EPHA6: variants seen among roughly 807,000 people sequenced by gnomAD.
EPHA6 encodes the protein EPH receptor A6.
In EPHA6, 50 loss-of-function variants were observed where a neutral mutation model predicts 112.0. The ratio of observed to expected loss-of-function variants is 0.45; its 90% CI spans 0.36 to 0.56. The LOEUF is 0.56. Among genes scored for constraint, EPHA6 ranks in the 20% least tolerant of loss-of-function variants. EPHA6 has a pLI of 0.00. For synonymous variants in EPHA6, 529 were observed against 490.7 expected, an observed-to-expected ratio of 1.08 and a Z score of -1.03; for missense variants, 1,280 against 1,417.4, an observed-to-expected ratio of 0.90 and a Z score of 1.56.
intron 3 of EPHA6, among the ~76,000 whole-genome samples, chr3:97,031,346 G>A (rs1467058258): frequency 6.6e-6 from 1 of 152,106 alleles, no homozygotes. Context: ...AAAAACCCTA[G>A]AAGAAAACCT....
At chr3:97,463,349 T>C (rs1471360246) in intron 7 of EPHA6, among the ~76,000 whole-genome samples, 1 of 152,174 alleles carries the variant, frequency 6.6e-6, no homozygotes, top group African/African-American at 2.4e-5. Flanking sequence ...GGAATAGTGA[T>C]TTTTTATCTG....
At chr3:97,512,265 T>A (rs967198517) in intron 10 of EPHA6, among the ~76,000 whole-genome samples, 1 of 152,114 alleles carries the variant, frequency 6.6e-6, no homozygotes, top group African/African-American at 2.4e-5. Flanking sequence ...GAGGTATTAG[T>A]AATTATCTAT....
chr3:96,827,169 G>A (rs547673247), intron 1 of EPHA6, among the ~76,000 whole-genome samples: 1 of 152,206 alleles, frequency 6.6e-6, no homozygotes, highest in African/African-American at 2.4e-5. Flanking sequence ...TGTGTGCACT[G>A]ATCCTAAAGC....
At chr3:97,727,949 G>A (rs1056484178) in intron 15 of EPHA6, among the ~76,000 whole-genome samples, 2 of 151,964 alleles carry the variant, frequency 1.3e-5, no homozygotes, top group Non-Finnish European at 2.9e-5. Context: ...ACTTTTAAGG[G>A]AAAATTTTTT....
intron 5 of EPHA6, among the ~76,000 whole-genome samples, chr3:97,358,112 C>T (rs2084178384): frequency 6.6e-6 from 1 of 152,170 alleles, no homozygotes; most frequent in Admixed American, 6.5e-5. Context: ...GTACCTCTGT[C>T]ACTTTTCTAT....
intron 3 of EPHA6, among the ~76,000 whole-genome samples, chr3:97,213,252 T>C (rs2108517271): frequency 6.6e-6 from 1 of 152,266 alleles, no homozygotes; most frequent in East Asian, 1.9e-4. Context: ...TGCAACTACA[T>C]TCACTTCCAG....
intron 2 of EPHA6, among the ~76,000 whole-genome samples, chr3:96,876,022 A>G (rs2036923298): frequency 6.6e-6 from 1 of 151,234 alleles, no homozygotes; most frequent in Non-Finnish European, 1.5e-5. Context: ...TAAAATATTT[A>G]TAAACTATTT....
chr3:97,584,989 C>T (rs1226902939), intron 11 of EPHA6, among the ~76,000 whole-genome samples: 3 of 152,160 alleles, frequency 2.0e-5, no homozygotes, highest in African/African-American at 7.2e-5. Flanking sequence ...CAAACCTAGA[C>T]ATTTTTATTA....
At chr3:96,852,474 A>T (rs1473461421) in intron 1 of EPHA6, among the ~76,000 whole-genome samples, 1 of 152,026 alleles carries the variant, frequency 6.6e-6, no homozygotes, top group Admixed American at 6.6e-5. Flanking sequence ...TCTGGACAGG[A>T]TAAGGTCAAA....
chr3:97,544,092 C>T (rs2092909145), intron 11 of EPHA6, among the ~76,000 whole-genome samples: 1 of 152,096 alleles, frequency 6.6e-6, no homozygotes, highest in Admixed American at 6.6e-5. Flanking sequence ...TTTCCTTCTC[C>T]TGCCTGATTG....
chr3:96,992,598 G>A (rs1173601658), intron 3 of EPHA6, among the ~76,000 whole-genome samples: 2 of 151,960 alleles, frequency 1.3e-5, no homozygotes, highest in South Asian at 2.1e-4. Flanking sequence ...TTTATTTCAG[G>A]AAATTATTCT....
At chr3:97,055,884 A>G (rs1201222076) in intron 3 of EPHA6, among the ~76,000 whole-genome samples, 7 of 152,128 alleles carry the variant, frequency 4.6e-5, no homozygotes, top group Admixed American at 1.3e-4. Flanking sequence ...TAGAAACTCA[A>G]TTTTGCATTT....
rs375090191 is a variant in EPHA6, at chr3:97,226,388, T to C, written c.1239T>C (p.Ala413=). The C allele has an allele frequency of 2.2e-5, 35 of 1,613,412 alleles. No individual in the cohort carries two copies. Among genetic ancestry groups the C allele is most frequent in the Non-Finnish European group, 2.8e-5 (33 of 1,179,636 alleles). ...VCQCEKGYFR[A]EKDPPSMACT... ...AGTGTGAAAAGGGTTATTTCCGAGC[T>C]GAAAAAGACCCACCTTCTATGGCAT... is the stretch of plus-strand genomic sequence containing the variant. Residue 413 remains alanine (A), a synonymous_variant, in exon 4 of 18, where the codon GCT becomes GCC. Coordinates refer to ENST00000389672, the MANE Select transcript of EPHA6 (RefSeq NM_001080448.3).
chr3:97,746,990 G>A (rs1242827368), intron 16 of EPHA6, among the ~76,000 whole-genome samples: 1 of 151,908 alleles, frequency 6.6e-6, no homozygotes, highest in East Asian at 1.9e-4. Flanking sequence ...GGATTCAGGG[G>A]TAGGTCAGAC....
intron 2 of EPHA6, among the ~76,000 whole-genome samples, chr3:96,900,659 C>T (rs1559813915): frequency 1.3e-5 from 2 of 152,216 alleles, no homozygotes; most frequent in African/African-American, 4.8e-5. Context: ...TTATTATCTA[C>T]AGAGTGTTAC....
At chr3:97,275,929 T>A (rs1391247532) in intron 5 of EPHA6, among the ~76,000 whole-genome samples, 2 of 152,006 alleles carry the variant, frequency 1.3e-5, no homozygotes, top group African/African-American at 2.4e-5. Flanking sequence ...GGGAAGCAGA[T>A]AATTTAGTTA....
At position 97,648,595 on chromosome 3, in the gene EPHA6, T is replaced by G. The variant is rs1029522300; in HGVS notation, c.2784+10513T>G. Reference sequence around the variant, plus strand: ...ACAAGTGAGATCTGCCTTTAAGTACTTTCATTAACATGAGTAAATGGGATT... The same window carrying G: ...ACAAGTGAGATCTGCCTTTAAGTACGTTCATTAACATGAGTAAATGGGATT... On this transcript the variant is annotated intron_variant, in intron 14 of 17. Transcript: ENST00000389672. The G allele has an allele frequency of 2.6e-6, 3 of 1,161,640 alleles. No homozygotes were observed. The African/African-American group carries it at 4.7e-5, about 18-fold the overall frequency. The allele number at this position is 1,161,640 out of a possible 1,614,324, so 72.0% of individuals were successfully genotyped here. A position where few individuals can be genotyped will look rare whatever the true frequency, so the allele number is the denominator to read the frequency against.
At chr3:97,255,641 A>G (rs2079286661) in intron 5 of EPHA6, among the ~76,000 whole-genome samples, 1 of 152,216 alleles carries the variant, frequency 6.6e-6, no homozygotes, top group African/African-American at 2.4e-5. Flanking sequence ...GCTCGAAAAC[A>G]TACAACACAT....
intron 14 of EPHA6, among the ~76,000 whole-genome samples, chr3:97,639,531 A>G (rs947884286): frequency 5.9e-5 from 9 of 152,124 alleles, no homozygotes; most frequent in African/African-American, 2.2e-4. Flanking sequence ...ACAATCTACT[A>G]AAAAATAAAA....
Sources: allele counts gnomAD v4.1 joint callset (sites outside exome capture counted in the v4.1 genomes callset), GRCh38; gene constraint gnomAD v4.1.1; transcripts MANE v1.5; gene names NCBI Gene and HGNC (gene_info 2026-07-23, HGNC 2026-07-21).